Variants in JAKMIP3 observed in about 807,000 individuals in gnomAD.
JAKMIP3 encodes the protein Janus kinase and microtubule interacting protein 3, also known as janus kinase and microtubule-interacting protein 3.
A neutral mutation model predicts 118.5 loss-of-function variants in JAKMIP3; 58 were observed. The observed-to-expected ratio is 0.49, with a 90% CI of 0.40 to 0.61. JAKMIP3 has a LOEUF of 0.61. JAKMIP3 is among the 20% of genes least tolerant of loss of function. JAKMIP3 has a pLI of 0.00. For missense variants in JAKMIP3, 950 were observed against 1,109.0 expected (o/e 0.86, Z 2.04); for synonymous variants, 486 against 451.2 (o/e 1.08, Z -0.98).
At chr10:132,140,126 C>T (rs67786902) in intron 9 of JAKMIP3, among the ~76,000 whole-genome samples, 15,665 of 152,264 alleles carry the variant, frequency 0.1, 1,150 homozygotes, top group East Asian at 0.28. Flanking sequence ...AGGCACCCAT[C>T]GTCGGTTCTG....
chr10:132,103,567 G>A (rs9419194), intron 1 of JAKMIP3, among the ~76,000 whole-genome samples: 34,199 of 150,446 alleles, frequency 0.23, 4,508 homozygotes, highest in African/African-American at 0.37. Context: ...CAGCACAGAA[G>A]GAAAGTGTGA....
chr10:132,106,453 G>T (rs964912374), intron 2 of JAKMIP3, among the ~76,000 whole-genome samples: 2 of 151,990 alleles, frequency 1.3e-5, no homozygotes, highest in Admixed American at 1.3e-4. Context: ...CCCCGCCCCC[G>T]TTCCTCCCCC....
intron 1 of JAKMIP3, among the ~76,000 whole-genome samples, chr10:132,087,774 T>C (rs1172532179): frequency 1.3e-5 from 2 of 151,980 alleles, no homozygotes; most frequent in African/African-American, 4.8e-5. Context: ...TAGTTACATA[T>C]GTATACATGC....
In JAKMIP3 at chr10:132,049,480, C is replaced by T. The variant is rs1399326145; in HGVS notation, c.-138+12742C>T. Among the ~76,000 whole-genome samples the T allele has an allele frequency of 6.6e-6, 1 of 151,282 alleles. No individual in the cohort carries two copies. The highest frequency in any genetic ancestry group is 1.9e-4 in the East Asian group (1 of 5,196). ...CTTGGGCATCTTACAATTTATTTCT[C>T]ATTTTTGAGATGCTTTTTTTTTTCC... On this transcript the variant is annotated intron_variant, in intron 1 of 23. Transcript: ENST00000657785. The surrounding 1 kb of genome is among the most constrained non-coding windows in gnomAD (Gnocchi z 4.3).
chr10:132,067,132 G>T lies in JAKMIP3; in HGVS notation c.-138+1071G>T, dbSNP rs549967956. Among the ~76,000 whole-genome samples, 4 of 152,224 alleles carry T rather than the reference G, an allele frequency of 2.6e-5. No homozygotes were observed. In the South Asian group the frequency reaches 8.3e-4, roughly 32 times the overall value. On this transcript the variant is annotated intron_variant, in intron 1 of 23. Coordinates refer to ENST00000684848, the MANE Select transcript of JAKMIP3 (RefSeq NM_001323087.2). ...GAGCCGGGCCGAGGAAGGACCCTCA[G>T]TTTACATTCACAGCATTACCGGCAA... is the stretch of plus-strand genomic sequence containing the variant.
At position 132,168,027 on chromosome 10, in the gene JAKMIP3, C is replaced by T. The variant is rs1368012963; in HGVS notation, c.*97C>T. 22 of 1,289,468 alleles carry T rather than the reference C, an allele frequency of 1.7e-5. No individual in the cohort carries two copies. The highest frequency in any genetic ancestry group is 2.2e-5 in the Non-Finnish European group (22 of 988,830). 79.9% of individuals were successfully genotyped at this position (1,289,468 alleles called of 1,614,324 possible). ...ACAAAATGGGACGTCGCGTCTCCATCCTGAAGACCCAGGGAGATTTGGTCT... is the reference window on the plus strand; with the variant it reads ...ACAAAATGGGACGTCGCGTCTCCATTCTGAAGACCCAGGGAGATTTGGTCT... On this transcript the variant is annotated 3_prime_UTR_variant, in exon 23 of 24. Coordinates refer to ENST00000684848, the MANE Select transcript of JAKMIP3 (RefSeq NM_001323087.2).
At chr10:132,136,179 C>A (rs973633258) in intron 6 of JAKMIP3, 103 bp downstream of exon 6, 7 of 1,301,950 alleles carry the variant, frequency 5.4e-6, no homozygotes, top group East Asian at 2.4e-5. Context: ...CGGTCCCGGG[C>A]GGGTGGCCAG....
chr10:132,105,348 A>C (rs2134947854), intron 2 of JAKMIP3, among the ~76,000 whole-genome samples: 1 of 152,348 alleles, frequency 6.6e-6, no homozygotes, highest in African/African-American at 2.4e-5. Flanking sequence ...ATGGGAATAA[A>C]GGAAAAGGAT....
intron 11 of JAKMIP3, 76 bp downstream of exon 11, chr10:132,142,124 C>T (rs1554948036): frequency 4.8e-6 from 7 of 1,453,440 alleles, no homozygotes; most frequent in African/African-American, 1.4e-5. Flanking sequence ...GGCTGGGACA[C>T]CCCCCTCACT....
rs1554963331 is a variant in JAKMIP3 at position 132,180,728 on chromosome 10, T to TGTGTGCGC, written c.*1104-1628_*1104-1627insTGTGCGCG. On this transcript the variant is annotated intron_variant, in intron 23 of 23. Transcript: ENST00000684848. ...GTGTGCGCGTGTGTGTGCGTGTGTG[T>TGTGTGCGC]GCGTGTGTGCGTGCGTGCGCGCGCG... 1.5e-4 allele frequency among the ~76,000 whole-genome samples: 3 copies of TGTGTGCGC among 19,846 alleles called. 1 individual carries two copies. The highest frequency in any genetic ancestry group is 9.5e-4 in the African/African-American group (3 of 3,154). The allele number at this position is 19,846 out of a possible 152,430, so 13.0% of individuals were successfully genotyped here.
chr10:132,117,894 A>G lies in JAKMIP3; in HGVS notation c.633+320A>G, dbSNP rs751468922. 2.0e-5 allele frequency among the ~76,000 whole-genome samples: 3 copies of G among 152,176 alleles called. No homozygotes were observed. Among genetic ancestry groups the G allele is most frequent in the East Asian group, 3.9e-4 (2 of 5,184 alleles). ...TAACTTGGGCCACAGCAAGAAACCT[A>G]GAAATCGGCACTGCCCATCCACACC... On this transcript the variant is annotated intron_variant, in intron 3 of 23. Coordinates refer to ENST00000684848, the MANE Select transcript of JAKMIP3 (RefSeq NM_001323087.2). The surrounding 1 kb of genome is among the most constrained non-coding windows in gnomAD (Gnocchi z 8.6).
intron 16 of JAKMIP3, among the ~76,000 whole-genome samples, chr10:132,151,150 C>T (rs1182189596): frequency 6.6e-6 from 1 of 152,162 alleles, no homozygotes; most frequent in Non-Finnish European, 1.5e-5. Flanking sequence ...ATTCATTCAT[C>T]CATTCTCCAA....
chr10:132,137,955 G>A (rs868371647), intron 8 of JAKMIP3, among the ~76,000 whole-genome samples, 164 bp from the exon 9 acceptor site: 7 of 151,556 alleles, frequency 4.6e-5, no homozygotes, highest in Middle Eastern at 3.4e-3. Flanking sequence ...AGCTCCCCGA[G>A]GAGCAGAGCT....
intron 3 of JAKMIP3, among the ~76,000 whole-genome samples, chr10:132,123,475 C>A (rs920149767): frequency 4.6e-5 from 7 of 152,186 alleles, no homozygotes; most frequent in African/African-American, 1.7e-4. Flanking sequence ...AAGTGGAATG[C>A]TAATATACAG....
chr10:132,103,569 A>G (rs1216187049), intron 1 of JAKMIP3, among the ~76,000 whole-genome samples: 1 of 151,926 alleles, frequency 6.6e-6, no homozygotes, highest in African/African-American at 2.4e-5. Context: ...GCACAGAAGG[A>G]AAGTGTGAGG....
chr10:132,081,935 G>C (rs2041825005), intron 1 of JAKMIP3, among the ~76,000 whole-genome samples: 1 of 151,668 alleles, frequency 6.6e-6, no homozygotes, highest in African/African-American at 2.4e-5. Flanking sequence ...CGTGCACATA[G>C]GGATTTTATT....
chr10:132,104,837 C>T lies in JAKMIP3; in HGVS notation c.29C>T (p.Ala10Val), dbSNP rs1252422680. Residue 10 changes from alanine to valine, a missense_variant, in exon 2 of 24, where the codon GCC becomes GTC. By Grantham distance (64) the Ala-to-Val change is moderately conservative (BLOSUM62 0). Transcript: ENST00000684848. MSKRGMSSR[A>V]KGDKAEALAA... ...TCCAAGAGGGGCATGAGCAGCCGGG[C>T]CAAGGGGGACAAGGCAGAGGCCCTC... The T allele has an allele frequency of 6.4e-7, 1 of 1,553,784 alleles. No individual in the cohort carries two copies. The highest frequency in any genetic ancestry group is 2.0e-5 in the Admixed American group (1 of 51,212).
At position 132,137,156 on chromosome 10, in the gene JAKMIP3, C is replaced by T. The variant is rs367921994; in HGVS notation, c.1248+6C>T. On this transcript the variant is annotated splice_donor_region_variant and intron_variant, in intron 7 of 23. Coordinates refer to ENST00000684848, the MANE Select transcript of JAKMIP3 (RefSeq NM_001323087.2). Reference sequence around the variant, plus strand: ...TCATAGATGAACTGTCTAAGGTACCCGGCGGGCTGTTTGCTGCGGCCCCGT... The same window carrying T: ...TCATAGATGAACTGTCTAAGGTACCTGGCGGGCTGTTTGCTGCGGCCCCGT... 11 of 1,613,734 alleles carry T rather than the reference C, an allele frequency of 6.8e-6. No homozygotes were observed. The highest frequency in any genetic ancestry group is 1.6e-4 in the Middle Eastern group (1 of 6,084).
intron 1 of JAKMIP3, 23 bp from the exon 2 acceptor site, chr10:132,104,649 C>A (rs2045629404): frequency 1.4e-6 from 1 of 733,420 alleles, no homozygotes; most frequent in African/African-American, 1.8e-5. Context: ...GAGCTGCTCA[C>A]CGCGGTGTGC....
Sources: allele counts gnomAD v4.1 joint callset (sites outside exome capture counted in the v4.1 genomes callset), GRCh38; gene constraint gnomAD v4.1.1; non-coding constraint Gnocchi (gnomAD v3.1); transcripts MANE v1.5; gene names NCBI Gene and HGNC (gene_info 2026-07-23, HGNC 2026-07-21).